The following ARPC4 variants were observed in gnomAD, a reference collection of about 807,000 sequenced individuals.
ARPC4 encodes the protein actin-related protein 2/3 complex subunit 4.
A neutral mutation model predicts 22.8 loss-of-function variants in ARPC4; 3 were observed. The observed-to-expected ratio is 0.13, with a 90% CI of 0.06 to 0.34. The LOEUF is 0.34. ARPC4 is among the 10% of genes least tolerant of loss of function. ARPC4 has a pLI of 1.00. For missense variants in ARPC4, 98 were observed against 211.0 expected (o/e 0.46, Z 3.32); for synonymous variants, 80 against 72.5 (o/e 1.10, Z -0.52).
At chr3:9,800,332 TCTTTCAGTC>T in intron 3 of ARPC4, 36 bp downstream of exon 3, 1 of 1,603,418 alleles carries the variant, frequency 6.2e-7, no homozygotes, top group Non-Finnish European at 8.5e-7. Context: ...ACGTAAGGCC[TCTTTCAGTC>T]CTTTCAGCCT....
Position 9,801,763 on chromosome 3 carries a change from C to A in ARPC4, c.330+7C>A. The A allele has an allele frequency of 6.3e-7, 1 of 1,592,374 alleles. No individual in the cohort carries two copies. The highest frequency in any genetic ancestry group is 8.6e-7 in the Non-Finnish European group (1 of 1,166,264). Reference sequence around the variant, plus strand: ...TCGAAGGAAGCCTGTGGAGGTGAGACCCTGTGACCCATGAGTTTGCGATAC... The same window carrying A: ...TCGAAGGAAGCCTGTGGAGGTGAGAACCTGTGACCCATGAGTTTGCGATAC... On this transcript the variant is annotated splice_region_variant and intron_variant, in intron 4 of 5. Transcript: ENST00000397261.
intron 1 of ARPC4, among the ~76,000 whole-genome samples, chr3:9,795,599 A>T (rs1320503459): frequency 6.6e-6 from 1 of 152,108 alleles, no homozygotes; most frequent in Non-Finnish European, 1.5e-5. Flanking sequence ...CATTGTACTC[A>T]TTACTACTCT....
intron 1 of ARPC4, among the ~76,000 whole-genome samples, chr3:9,794,682 TA>T (rs572733613): frequency 0.021 from 3,087 of 147,228 alleles, 85 homozygotes; most frequent in African/African-American, 0.072. Flanking sequence ...TCCCGTGTCT[TA>T]AAAAAAAAAA....
upstream of ARPC4, chr3:9,792,903 G>C: frequency 7.1e-7 from 1 of 1,398,724 alleles, no homozygotes; most frequent in Non-Finnish European, 9.2e-7. Flanking sequence ...AGCTTAAATA[G>C]TGACTCGAGT....
rs2079102716 is a variant in ARPC4 at position 9,806,149 on chromosome 3, G to A, written c.502-61G>A. 15 of 1,593,664 alleles carry A rather than the reference G, an allele frequency of 9.4e-6. No homozygotes were observed. The South Asian group carries it at 1.7e-4, about 18-fold the overall frequency. ...GCTCTCAGGTTCATGCACCTCCTTAGAGCAGTGCCACCAGGATGCAATAAT... is the reference window on the plus strand; with the variant it reads ...GCTCTCAGGTTCATGCACCTCCTTAAAGCAGTGCCACCAGGATGCAATAAT... On this transcript the variant is annotated intron_variant, in intron 5 of 5. Coordinates refer to ENST00000397261, the MANE Select transcript of ARPC4 (RefSeq NM_005718.5).
upstream of ARPC4, chr3:9,792,771 G>C (rs2078773036): frequency 3.2e-6 from 4 of 1,249,332 alleles, no homozygotes; most frequent in Non-Finnish European, 4.0e-6. Flanking sequence ...GTCCGCTTCG[G>C]CTTGTCCTAA....
At chr3:9,793,203 G>A in intron 1 of ARPC4, 79 bp downstream of exon 1, 1 of 1,500,180 alleles carries the variant, frequency 6.7e-7, no homozygotes, top group South Asian at 1.2e-5. Context: ...ATGTGGCTTT[G>A]CCGCAGGGGC....
intron 1 of ARPC4, among the ~76,000 whole-genome samples, chr3:9,796,435 C>G (rs2078888489): frequency 6.6e-6 from 1 of 151,998 alleles, no homozygotes; most frequent in Non-Finnish European, 1.5e-5. Context: ...ATTTTTTTGT[C>G]AATTGTAATA....
intron 2 of ARPC4, 196 bp downstream of exon 2, chr3:9,797,973 A>G (rs2078930271): frequency 3.4e-6 from 2 of 588,714 alleles, no homozygotes; most frequent in South Asian, 2.1e-5. Flanking sequence ...GACAGAACCC[A>G]GGGGAAAAGA....
intron 2 of ARPC4, among the ~76,000 whole-genome samples, chr3:9,799,084 C>G (rs564501379): frequency 8.5e-5 from 13 of 152,228 alleles, no homozygotes; most frequent in African/African-American, 3.1e-4. Flanking sequence ...AGACACCACA[C>G]CACAATTAAT....
At chr3:9,799,856 T>G (rs1236415402) in intron 2 of ARPC4, 1 of 493,474 alleles carries the variant, frequency 2.0e-6, no homozygotes, top group East Asian at 5.6e-5. Flanking sequence ...ATTAGACATT[T>G]GACCCTTTTT....
chr3:9,804,314 G>A (rs11916534), intron 5 of ARPC4: 3 of 262,342 alleles, frequency 1.1e-5, no homozygotes, highest in East Asian at 1.5e-4. Flanking sequence ...CCTCTATCTC[G>A]TTTAAACCCC....
upstream of ARPC4, chr3:9,792,859 A>T (rs2078776209): frequency 2.2e-6 from 3 of 1,367,556 alleles, no homozygotes; most frequent in Non-Finnish European, 1.9e-6. Context: ...AGAAGGCCGA[A>T]GGCACAAAGG....
chr3:9,792,868 G>A, upstream of ARPC4: 2 of 1,378,024 alleles, frequency 1.5e-6, no homozygotes, highest in Non-Finnish European at 1.9e-6. Context: ...AAGGCACAAA[G>A]GGAAGCTGCA....
At chr3:9,795,901 G>T (rs1261482331) in intron 1 of ARPC4, among the ~76,000 whole-genome samples, 1 of 152,182 alleles carries the variant, frequency 6.6e-6, no homozygotes, top group African/African-American at 2.4e-5. Context: ...TTTGAGACCA[G>T]CCTGGCCAAC....
chr3:9,797,750 G>A lies in ARPC4; in HGVS notation c.95G>A (p.Arg32Gln), dbSNP rs2078926159. ...LENFSSQVVERHNKPEVEVRS... is the reference protein window; with the variant it reads ...LENFSSQVVEQHNKPEVEVRS... ...AACTTCTCCTCCCAGGTTGTGGAAC[G>A]ACACAACAAGCCGGAAGTGGAAGTC... Residue 32 changes from arginine to glutamine, a missense_variant, in exon 2 of 6, where the codon CGA becomes CAA. By Grantham distance (43) the Arg-to-Gln change is conservative (BLOSUM62 1). Transcript: ENST00000397261. The A allele has an allele frequency of 3.7e-6, 6 of 1,614,094 alleles. No homozygotes were observed. Among genetic ancestry groups the A allele is most frequent in the Non-Finnish European group, 5.1e-6 (6 of 1,180,022 alleles).
intron 1 of ARPC4, 58 bp from the exon 2 acceptor site, chr3:9,797,601 C>A: frequency 1.9e-6 from 3 of 1,567,420 alleles, no homozygotes; most frequent in South Asian, 2.3e-5. Flanking sequence ...AATAGGGGAT[C>A]GGTGGGTTTG....
intron 4 of ARPC4, among the ~76,000 whole-genome samples, chr3:9,802,680 T>TC (rs1019122489): frequency 2.9e-5 from 2 of 68,902 alleles, no homozygotes; most frequent in African/African-American, 1.1e-4. Context: ...TGGCCTTTTT[T>TC]TTTCTTTTTT....
upstream of ARPC4, chr3:9,792,679 A>G: frequency 8.1e-7 from 1 of 1,233,138 alleles, no homozygotes; most frequent in Non-Finnish European, 1.0e-6. Flanking sequence ...CGCTGCAGTT[A>G]GCCCCGCCGA....
Sources: allele counts gnomAD v4.1 joint callset (sites outside exome capture counted in the v4.1 genomes callset), GRCh38; gene constraint gnomAD v4.1.1; transcripts MANE v1.5; gene names NCBI Gene and HGNC (gene_info 2026-07-23, HGNC 2026-07-21).